Variants in FER1L6 observed in about 807,000 individuals in gnomAD.
FER1L6 encodes the protein fer-1 like family member 6.
FER1L6 carries 177 observed loss-of-function variants against 219.2 expected under a neutral mutation model. The ratio of observed to expected loss-of-function variants is 0.81; its 90% CI spans 0.71 to 0.91. The LOEUF is 0.91. FER1L6 is among the 40% of genes least tolerant of loss of function. The pLI, the probability that FER1L6 is intolerant of heterozygous loss-of-function variation, is 0.00. For synonymous variants in FER1L6, 768 were observed against 824.3 expected, an observed-to-expected ratio of 0.93 and a Z score of 1.17; for missense variants, 2,153 against 2,259.9, an observed-to-expected ratio of 0.95 and a Z score of 0.96.
At chr8:124,071,371 A>T in intron 30 of FER1L6, 135 bp from the exon 31 acceptor site, 2 of 1,122,026 alleles carry the variant, frequency 1.8e-6, no homozygotes, top group Non-Finnish European at 2.6e-6. Context: ...AAGGACACCC[A>T]ACTGGCAAGT....
At chr8:124,013,711 C>G (rs987172683) in intron 15 of FER1L6, 180 bp downstream of exon 15, 4 of 402,630 alleles carry the variant, frequency 9.9e-6, no homozygotes, top group Non-Finnish European at 1.8e-5. Flanking sequence ...CTTCTTGACA[C>G]TGTAACAACT....
At chr8:123,960,765 G>C (rs1022762977) in intron 2 of FER1L6, among the ~76,000 whole-genome samples, 2 of 151,960 alleles carry the variant, frequency 1.3e-5, no homozygotes, top group Non-Finnish European at 2.9e-5. Context: ...ATTGCAATTA[G>C]GGTTCACCTG....
chr8:123,987,451 A>G (rs564358184), intron 12 of FER1L6, among the ~76,000 whole-genome samples: 1 of 151,952 alleles, frequency 6.6e-6, no homozygotes, highest in South Asian at 2.1e-4. Context: ...GGATGCAGAT[A>G]TTTTCTCCTG....
chr8:123,917,638 A>G (rs1813227460), intron 1 of FER1L6, among the ~76,000 whole-genome samples: 1 of 152,376 alleles, frequency 6.6e-6, no homozygotes, highest in Non-Finnish European at 1.5e-5. Context: ...ATGTGAGACA[A>G]TACAGGAAAA....
chr8:124,116,226 C>T lies in FER1L6; in HGVS notation c.5290-2618C>T, dbSNP rs533994987. 7.2e-5 allele frequency among the ~76,000 whole-genome samples: 11 copies of T among 152,290 alleles called. No individual in the cohort carries two copies. The South Asian group carries it at 1.7e-3, about 23-fold the overall frequency. On this transcript the variant is annotated intron_variant, in intron 39 of 40. Transcript: ENST00000522917. ...CTTGGCTGTAAAATGGTAATAAAAA[C>T]GCCATCTACTTTGTCAGCTAGCCAA...
chr8:123,919,390 C>T (rs1813290995), intron 1 of FER1L6, among the ~76,000 whole-genome samples: 1 of 152,186 alleles, frequency 6.6e-6, no homozygotes, highest in Non-Finnish European at 1.5e-5. Flanking sequence ...GTCTAGGAGG[C>T]ATATGATAAA....
intron 39 of FER1L6, among the ~76,000 whole-genome samples, chr8:124,110,299 G>T (rs944310368): frequency 2.0e-5 from 3 of 152,140 alleles, no homozygotes; most frequent in Non-Finnish European, 4.4e-5. Context: ...CAATTTTATA[G>T]AGAAGGAAGC....
intron 18 of FER1L6, among the ~76,000 whole-genome samples, chr8:124,025,053 A>ATT (rs139829496): frequency 1.3e-5 from 2 of 151,390 alleles, no homozygotes; most frequent in African/African-American, 4.9e-5. Flanking sequence ...TAATGGAATT[A>ATT]TTTTTTTATG....
intron 1 of FER1L6, among the ~76,000 whole-genome samples, chr8:123,953,849 G>A (rs1488945217): frequency 6.6e-6 from 1 of 152,162 alleles, no homozygotes; most frequent in Non-Finnish European, 1.5e-5. Context: ...GGTTGGGAAG[G>A]TACTAGCTTT....
At chr8:124,118,981 A>G (rs529658639) in intron 40 of FER1L6, 37 bp downstream of exon 40, 173 of 1,545,174 alleles carry the variant, frequency 1.1e-4, no homozygotes, top group Non-Finnish European at 1.5e-4. Context: ...CAGAAATGGG[A>G]AGGGGCCTTT....
At chr8:124,055,343 C>G (rs937508386) in intron 22 of FER1L6, among the ~76,000 whole-genome samples, 4 of 152,028 alleles carry the variant, frequency 2.6e-5, no homozygotes, top group African/African-American at 9.7e-5. Context: ...CTACTGCACT[C>G]CAGCCTGGGT....
In FER1L6 at chr8:123,898,781, G is replaced by A. The variant is rs796568647; in HGVS notation, c.-8+46596G>A. 3.2e-4 allele frequency among the ~76,000 whole-genome samples: 43 copies of A among 135,828 alleles called. 1 individual carries two copies. The highest frequency in any genetic ancestry group is 6.2e-4 in the East Asian group (3 of 4,820). 89.1% of individuals were successfully genotyped at this position (135,828 alleles called of 152,430 possible). On this transcript the variant is annotated intron_variant, in intron 1 of 40. Coordinates refer to ENST00000522917, the MANE Select transcript of FER1L6 (RefSeq NM_001039112.2). ...TACACATATATATGTGTATATATACGTATGTACATATATACATATATACAC... is the reference window on the plus strand; with the variant it reads ...TACACATATATATGTGTATATATACATATGTACATATATACATATATACAC...
At chr8:123,976,165 T>A (rs1586542406) in intron 9 of FER1L6, 81 bp downstream of exon 9, 2 of 1,182,880 alleles carry the variant, frequency 1.7e-6, no homozygotes, top group East Asian at 5.0e-5. Flanking sequence ...CAAATCAAAT[T>A]AATAAAAATT....
chr8:123,888,050 T>C (rs1375563601), intron 1 of FER1L6, among the ~76,000 whole-genome samples: 2 of 152,140 alleles, frequency 1.3e-5, no homozygotes, highest in African/African-American at 4.8e-5. Context: ...TTGGATTGTG[T>C]TTTGATGATT....
chr8:123,974,001 C>T lies in FER1L6; in HGVS notation c.526+489C>T, dbSNP rs571303016. 5.3e-5 allele frequency among the ~76,000 whole-genome samples: 8 copies of T among 152,336 alleles called. No individual in the cohort carries two copies. In the South Asian group the frequency reaches 1.7e-3, roughly 32 times the overall value. On this transcript the variant is annotated intron_variant, in intron 7 of 40. Coordinates refer to ENST00000522917, the MANE Select transcript of FER1L6 (RefSeq NM_001039112.2). ...TAAAGAGTCTCACTCATAAAAATGA[C>T]TACAGCATTTTGTATCCTTATACAA...
chr8:124,015,003 G>A (rs1250133994), intron 15 of FER1L6, among the ~76,000 whole-genome samples: 1 of 152,172 alleles, frequency 6.6e-6, no homozygotes, highest in Non-Finnish European at 1.5e-5. Context: ...CCATTGGGCT[G>A]AGGACTTCAA....
chr8:123,911,737 T>A (rs560948106), intron 1 of FER1L6, among the ~76,000 whole-genome samples: 1 of 152,154 alleles, frequency 6.6e-6, no homozygotes, highest in Non-Finnish European at 1.5e-5. Flanking sequence ...TCCGAGAGCA[T>A]GCAGCTAGTT....
chr8:124,080,834 A>G (rs751608895), intron 32 of FER1L6, among the ~76,000 whole-genome samples: 12 of 152,164 alleles, frequency 7.9e-5, no homozygotes, highest in Non-Finnish European at 1.3e-4. Context: ...CAGAGTATCA[A>G]TTACAGTTTA....
rs1343146130 is a variant in FER1L6, at chr8:123,975,295, G to T, written c.672G>T (p.Glu224Asp). The T allele has an allele frequency of 6.2e-7, 1 of 1,608,974 alleles. No homozygotes were observed. Among genetic ancestry groups the T allele is most frequent in the East Asian group, 2.2e-5 (1 of 44,708 alleles). The change falls in exon 8 of 41, where the codon GAG (glutamate) becomes GAT (aspartate). Residue 224 changes from glutamate (E) to aspartate (D), a missense_variant. Coordinates refer to ENST00000522917, the MANE Select transcript of FER1L6 (RefSeq NM_001039112.2). ...KTSPKTSDTE[E>D]PIEKNLLIPN... ...GCCCTAAAACTTCTGACACCGAGGAGCCAATAGAAAAGTAAGACAGGTCCA... is the reference window on the plus strand; with the variant it reads ...GCCCTAAAACTTCTGACACCGAGGATCCAATAGAAAAGTAAGACAGGTCCA...
Sources: allele counts gnomAD v4.1 joint callset (sites outside exome capture counted in the v4.1 genomes callset), GRCh38; gene constraint gnomAD v4.1.1; transcripts MANE v1.5; gene names NCBI Gene and HGNC (gene_info 2026-07-23, HGNC 2026-07-21).